The following DACH2 variants were observed in gnomAD, a reference collection of about 807,000 sequenced individuals.
DACH2 encodes the protein dachshund homolog 2.
In DACH2, 17 loss-of-function variants were observed where a neutral mutation model predicts 35.8. That is an observed-to-expected ratio of 0.48 (90% CI 0.33 to 0.71). The LOEUF (loss-of-function observed/expected upper bound fraction) is 0.71, where lower values mean the gene tolerates loss of function less well. Among genes scored for constraint, DACH2 ranks in the 30% least tolerant of loss-of-function variants. DACH2 has a pLI of 0.02. For missense variants in DACH2, 469 were observed against 472.7 expected (o/e 0.99, Z 0.07); for synonymous variants, 195 against 177.3 (o/e 1.10, Z -0.79).
At chrX:86,756,053 T>G (rs765792378) in intron 7 of DACH2, among the ~76,000 whole-genome samples, 1 of 110,959 alleles carries the variant, frequency 9.0e-6, no homozygotes, top group East Asian at 2.9e-4. Flanking sequence ...TATAAATGGG[T>G]GGATTTATTT....
At chrX:86,403,350 T>C (rs1413682324) in intron 2 of DACH2, among the ~76,000 whole-genome samples, 1 of 111,275 alleles carries the variant, frequency 9.0e-6, no homozygotes, top group African/African-American at 3.3e-5. Context: ...ACCAAAAAAC[T>C]TCATTAAAAA....
chrX:86,714,157 G>A (rs887044122), intron 5 of DACH2, among the ~76,000 whole-genome samples: 10 of 111,678 alleles, frequency 9.0e-5, no homozygotes, highest in African/African-American at 3.3e-4. Context: ...AAATTGTAAA[G>A]CTGTCAACTA....
chrX:86,394,048 A>G (rs926467550), intron 2 of DACH2, among the ~76,000 whole-genome samples: 6 of 108,586 alleles, frequency 5.5e-5, no homozygotes, highest in African/African-American at 1.7e-4. Flanking sequence ...CCGCTCTCCC[A>G]TGAAACTTTT....
intron 1 of DACH2, among the ~76,000 whole-genome samples, chrX:86,230,620 CT>C (rs1288047566): frequency 2.7e-5 from 3 of 111,009 alleles, no homozygotes; most frequent in Non-Finnish European, 5.7e-5. Context: ...TGGTCCTGGA[CT>C]TTTTTTGTTG....
chrX:86,757,249 A>C (rs188733941), intron 7 of DACH2, among the ~76,000 whole-genome samples: 8 of 111,810 alleles, frequency 7.2e-5, no homozygotes, highest in African/African-American at 2.3e-4. Context: ...AGCACTATTC[A>C]TAAGAGCCAA....
chrX:86,809,512 G>GA (rs35199123), intron 7 of DACH2, among the ~76,000 whole-genome samples: 35,487 of 108,268 alleles, frequency 0.33, 4,813 homozygotes, highest in Non-Finnish European at 0.42. Flanking sequence ...AGTTAAATAG[G>GA]AAAAAAAAAT....
chrX:86,530,708 G>T (rs1287999184), intron 3 of DACH2, among the ~76,000 whole-genome samples: 2 of 112,091 alleles, frequency 1.8e-5, no homozygotes, highest in Non-Finnish European at 3.8e-5. Flanking sequence ...TGAAGTGGAG[G>T]TTTGCTATAA....
At chrX:86,697,613 G>GA (rs1204161445) in intron 5 of DACH2, among the ~76,000 whole-genome samples, 1 of 110,057 alleles carries the variant, frequency 9.1e-6, no homozygotes, top group African/African-American at 3.3e-5. Flanking sequence ...TAAGAGAATG[G>GA]AAAAAATGAA....
In DACH2 at chrX:86,394,904, T is replaced by G. The variant is rs765303204; in HGVS notation, c.527+18042T>G. On this transcript the variant is annotated intron_variant, in intron 2 of 11. Coordinates refer to ENST00000373125, the MANE Select transcript of DACH2 (RefSeq NM_053281.3). ...CTTGTCTTTTGCACACAATTTACTT[T>G]GATTCATCAACTCAATAAAGTGCTC... is the stretch of plus-strand genomic sequence containing the variant. 8.9e-5 allele frequency among the ~76,000 whole-genome samples: 10 copies of G among 111,922 alleles called. No individual in the cohort carries two copies. The South Asian group carries it at 3.7e-3, about 41-fold the overall frequency.
At chrX:86,158,984 C>G (rs2030653463) in intron 1 of DACH2, among the ~76,000 whole-genome samples, 1 of 111,517 alleles carries the variant, frequency 9.0e-6, no homozygotes, top group African/African-American at 3.3e-5. Context: ...TGTATTTCCA[C>G]TTAAGAATGA....
At chrX:86,684,248 AT>A (rs1304035564) in intron 4 of DACH2, among the ~76,000 whole-genome samples, 2 of 111,766 alleles carry the variant, frequency 1.8e-5, no homozygotes, top group African/African-American at 3.2e-5. Context: ...TCCCTAAATA[AT>A]TTTTTGATAG....
chrX:86,708,390 G>T lies in DACH2; in HGVS notation c.932-6158G>T, dbSNP rs1361770929. On this transcript the variant is annotated intron_variant, in intron 5 of 11. Transcript: ENST00000373125. ...TGATTATCTTTGTAAAATTTCAAAAGATTTTACAAAAAATTCTCATAGAAC... is the reference window on the plus strand; with the variant it reads ...TGATTATCTTTGTAAAATTTCAAAATATTTTACAAAAAATTCTCATAGAAC... Among the ~76,000 whole-genome samples, 2 of 111,086 alleles carry T rather than the reference G, an allele frequency of 1.8e-5. 1 individual carries two copies. The highest frequency in any genetic ancestry group is 1.9e-4 in the Admixed American group (2 of 10,431).
chrX:86,767,186 T>C (rs2041943388), intron 7 of DACH2, among the ~76,000 whole-genome samples: 1 of 111,852 alleles, frequency 8.9e-6, no homozygotes, highest in African/African-American at 3.2e-5. Flanking sequence ...TATGGGGAAA[T>C]CAATATCACT....
At chrX:86,576,320 T>C (rs1264407013) in intron 3 of DACH2, among the ~76,000 whole-genome samples, 2 of 112,188 alleles carry the variant, frequency 1.8e-5, no homozygotes, top group Non-Finnish European at 3.8e-5. Flanking sequence ...AAATAGTACC[T>C]GATTTTGCCT....
At chrX:86,165,968 C>G (rs2030929607) in intron 1 of DACH2, among the ~76,000 whole-genome samples, 1 of 111,731 alleles carries the variant, frequency 9.0e-6, no homozygotes, top group African/African-American at 3.2e-5. Flanking sequence ...AGTTCAAAGT[C>G]TTAGGTTTAA....
At chrX:86,512,239 T>C (rs2038406370) in intron 2 of DACH2, among the ~76,000 whole-genome samples, 2 of 110,738 alleles carry the variant, frequency 1.8e-5, no homozygotes, top group Admixed American at 1.9e-4. Flanking sequence ...ATGGTCCTCC[T>C]GGATTTTATA....
chrX:86,616,330 TC>T (rs1365572143), intron 3 of DACH2, among the ~76,000 whole-genome samples: 1 of 111,824 alleles, frequency 8.9e-6, no homozygotes, highest in Non-Finnish European at 1.9e-5. Context: ...TGTTTTCAGA[TC>T]TTTGAGGAAT....
At chrX:86,711,512 TG>T (rs1430153058) in intron 5 of DACH2, among the ~76,000 whole-genome samples, 3 of 112,827 alleles carry the variant, frequency 2.7e-5, no homozygotes, top group African/African-American at 9.7e-5. Flanking sequence ...AAAAAAGATT[TG>T]TCTTTATTAC....
chrX:86,711,501 T>A (rs1461851388), intron 5 of DACH2, among the ~76,000 whole-genome samples: 1 of 112,838 alleles, frequency 8.9e-6, no homozygotes, highest in African/African-American at 3.2e-5. Flanking sequence ...TGGTGATTTT[T>A]AAAAAAGATT....
Sources: allele counts gnomAD v4.1 joint callset (sites outside exome capture counted in the v4.1 genomes callset), GRCh38; gene constraint gnomAD v4.1.1; transcripts MANE v1.5; gene names NCBI Gene and HGNC (gene_info 2026-07-23, HGNC 2026-07-21).